TRAPPC9: variants seen among roughly 807,000 people sequenced by gnomAD.
TRAPPC9 encodes the protein IKK2 binding protein.
Under a neutral mutation model 124.0 loss-of-function variants are expected in TRAPPC9, and 83 were observed. That is an observed-to-expected ratio of 0.67 (90% CI 0.56 to 0.80). The LOEUF is 0.80. Among genes scored for constraint, TRAPPC9 ranks in the 30% least tolerant of loss-of-function variants. TRAPPC9 has a pLI of 0.00. For missense variants in TRAPPC9, 1,302 were observed against 1,508.3 expected (o/e 0.86, Z 2.27); for synonymous variants, 638 against 617.5 (o/e 1.03, Z -0.49).
chr8:140,308,330 T>A (rs547304547), intron 10 of TRAPPC9, among the ~76,000 whole-genome samples: 27 of 147,554 alleles, frequency 1.8e-4, no homozygotes, highest in African/African-American at 6.5e-4. Flanking sequence ...GGGAGCAGAG[T>A]AGGCTACGAG....
chr8:139,810,195 A>C (rs1022902259), intron 21 of TRAPPC9, among the ~76,000 whole-genome samples: 1 of 152,154 alleles, frequency 6.6e-6, no homozygotes, highest in African/African-American at 2.4e-5. Flanking sequence ...GGAAGAAGCA[A>C]AGAGGATGGG....
At chr8:140,397,829 A>C (rs2132386854) in intron 6 of TRAPPC9, 84 bp from the exon 7 acceptor site, 1 of 1,565,998 alleles carries the variant, frequency 6.4e-7, no homozygotes. Flanking sequence ...ACTGGGACTC[A>C]ATAACTACAA....
intron 21 of TRAPPC9, among the ~76,000 whole-genome samples, chr8:139,804,150 CCACCACCACCAAG>C (rs1229130531): frequency 7.7e-6 from 1 of 129,960 alleles, no homozygotes; most frequent in African/African-American, 2.7e-5. Flanking sequence ...CCACCACCCA[CCACCACCACCAAG>C]CACCACCACC....
At chr8:140,370,358 T>C (rs1246858272) in intron 8 of TRAPPC9, among the ~76,000 whole-genome samples, 2 of 152,048 alleles carry the variant, frequency 1.3e-5, no homozygotes, top group African/African-American at 4.8e-5. Flanking sequence ...AGGCTGGTCA[T>C]GAACTCCTGA....
intron 21 of TRAPPC9, among the ~76,000 whole-genome samples, chr8:139,859,562 G>A (rs1828003269): frequency 6.6e-6 from 1 of 152,208 alleles, no homozygotes; most frequent in African/African-American, 2.4e-5. Flanking sequence ...AAAAGAGAAT[G>A]ACCAGTGGCT....
chr8:140,302,194 G>T (rs968540929), intron 10 of TRAPPC9, among the ~76,000 whole-genome samples: 1 of 152,102 alleles, frequency 6.6e-6, no homozygotes, highest in East Asian at 1.9e-4. Flanking sequence ...CCAGCCCCGG[G>T]GAGCCTGCCA....
chr8:140,154,928 C>T (rs2061603067), intron 17 of TRAPPC9, among the ~76,000 whole-genome samples: 1 of 152,170 alleles, frequency 6.6e-6, no homozygotes, highest in Non-Finnish European at 1.5e-5. Flanking sequence ...TTCCCTCCTG[C>T]GGGCTCCACT....
intron 19 of TRAPPC9, among the ~76,000 whole-genome samples, chr8:139,978,182 A>T (rs1040341872): frequency 6.6e-6 from 1 of 152,172 alleles, no homozygotes; most frequent in Admixed American, 6.5e-5. Context: ...CCGGCTGAGG[A>T]ACAAGTTTAA....
chr8:140,426,842 C>T (rs1014938715), intron 4 of TRAPPC9, among the ~76,000 whole-genome samples: 8 of 152,054 alleles, frequency 5.3e-5, no homozygotes, highest in African/African-American at 1.9e-4. Context: ...AGAAAAGCTA[C>T]TATTACTCAT....
At chr8:139,811,044 G>C (rs1824409695) in intron 21 of TRAPPC9, among the ~76,000 whole-genome samples, 1 of 152,182 alleles carries the variant, frequency 6.6e-6, no homozygotes, top group African/African-American at 2.4e-5. Context: ...TGAAGGGGAA[G>C]ACAAAGAGGA....
intron 18 of TRAPPC9, among the ~76,000 whole-genome samples, chr8:140,014,994 T>C (rs1471384263): frequency 6.6e-6 from 1 of 152,216 alleles, no homozygotes; most frequent in Non-Finnish European, 1.5e-5. Context: ...ATTATCAGTA[T>C]CAGTGAGAGG....
At chr8:139,772,538 G>T (rs1821041240) in intron 21 of TRAPPC9, among the ~76,000 whole-genome samples, 1 of 152,196 alleles carries the variant, frequency 6.6e-6, no homozygotes, top group Non-Finnish European at 1.5e-5. Context: ...TGCCTTCGGG[G>T]TGCACATGGC....
chr8:139,857,625 G>A (rs1827882104), intron 21 of TRAPPC9, among the ~76,000 whole-genome samples: 1 of 152,212 alleles, frequency 6.6e-6, no homozygotes, highest in East Asian at 1.9e-4. Context: ...AGCTCCGTAT[G>A]GTGCCCTCTG....
chr8:140,451,994 G>C (rs1381782207), intron 1 of TRAPPC9, among the ~76,000 whole-genome samples: 1 of 151,772 alleles, frequency 6.6e-6, no homozygotes, highest in East Asian at 1.9e-4. Flanking sequence ...GGTGGCACGT[G>C]CCTGTAATCC....
At chr8:139,798,991 G>T (rs1478341434) in intron 21 of TRAPPC9, among the ~76,000 whole-genome samples, 1 of 152,062 alleles carries the variant, frequency 6.6e-6, no homozygotes, top group Non-Finnish European at 1.5e-5. Flanking sequence ...TCCAATCGTG[G>T]CCTCCTACTC....
At chr8:139,758,549 A>C (rs1284645782) in intron 21 of TRAPPC9, among the ~76,000 whole-genome samples, 1 of 152,156 alleles carries the variant, frequency 6.6e-6, no homozygotes. Flanking sequence ...GGGGATGCAG[A>C]CACAGGGAGG....
chr8:140,302,422 C>T (rs931680273), intron 10 of TRAPPC9, among the ~76,000 whole-genome samples: 2 of 152,188 alleles, frequency 1.3e-5, no homozygotes, highest in African/African-American at 4.8e-5. Context: ...GGCACCAGGA[C>T]CTTATCTGTC....
At position 140,257,006 on chromosome 8, in the gene TRAPPC9, G is replaced by A. The variant is rs946710936; in HGVS notation, c.2279-4077C>T. ...TTCCTGCTACTTCCATTACAGAACA[G>A]TCCCAGTAAGTGTTCAGGTGTCTGA... On this transcript the variant is annotated intron_variant, in intron 15 of 22. Transcript: ENST00000438773. This position sits in a 1 kb window ranked among gnomAD's most constrained non-coding sequence, Gnocchi z 4.6. 2.0e-5 allele frequency among the ~76,000 whole-genome samples: 3 copies of A among 152,168 alleles called. No homozygotes were observed. Among genetic ancestry groups the A allele is most frequent in the Non-Finnish European group, 2.9e-5 (2 of 68,030 alleles).
intron 17 of TRAPPC9, among the ~76,000 whole-genome samples, chr8:140,209,109 C>A (rs555386704): frequency 6.6e-6 from 1 of 152,168 alleles, no homozygotes; most frequent in Non-Finnish European, 1.5e-5. Flanking sequence ...CCTGAAGGGG[C>A]CCCGTGGACA....
Sources: allele counts gnomAD v4.1 joint callset (sites outside exome capture counted in the v4.1 genomes callset), GRCh38; gene constraint gnomAD v4.1.1; non-coding constraint Gnocchi (gnomAD v3.1); transcripts MANE v1.5; gene names NCBI Gene and HGNC (gene_info 2026-07-23, HGNC 2026-07-21).